SCAPER: variants seen among roughly 807,000 people sequenced by gnomAD.
SCAPER encodes S phase cyclin A-associated protein in the endoplasmic reticulum.
SCAPER carries 98 observed loss-of-function variants against 182.2 expected under a neutral mutation model. The observed-to-expected ratio is 0.54, with a 90% CI of 0.46 to 0.64. The LOEUF is 0.64. Ranked by LOEUF, SCAPER falls within the 30% of genes least tolerant of loss-of-function variation. The probability of loss-of-function intolerance (pLI) is 0.00; values close to 1 mark genes in which losing one functional copy is unlikely to be tolerated. For synonymous variants in SCAPER, 605 were observed against 564.6 expected, an observed-to-expected ratio of 1.07 and a Z score of -1.01; for missense variants, 1,432 against 1,690.0, an observed-to-expected ratio of 0.85 and a Z score of 2.68.
chr15:76,532,023 T>A (rs1018495180), intron 23 of SCAPER, among the ~76,000 whole-genome samples: 40 of 152,338 alleles, frequency 2.6e-4, no homozygotes, highest in Admixed American at 5.9e-4. Flanking sequence ...CAACTTTTTT[T>A]AAAAAATATT....
At chr15:76,889,803 C>G (rs762383593) in intron 1 of SCAPER, among the ~76,000 whole-genome samples, 11 of 152,066 alleles carry the variant, frequency 7.2e-5, no homozygotes, top group Non-Finnish European at 1.0e-4. Context: ...CTTGAACTCA[C>G]CTTTGCACCA....
At chr15:76,798,607 T>C (rs943144379) in intron 7 of SCAPER, among the ~76,000 whole-genome samples, 3 of 152,048 alleles carry the variant, frequency 2.0e-5, no homozygotes, top group African/African-American at 7.2e-5. Context: ...CACACTTAGA[T>C]ATATCATAGT....
chr15:76,858,493 T>C (rs2151867135), intron 3 of SCAPER, among the ~76,000 whole-genome samples: 1 of 151,984 alleles, frequency 6.6e-6, no homozygotes, highest in African/African-American at 2.4e-5. Flanking sequence ...GGTACAGGGG[T>C]ACATGTGCAG....
At chr15:76,586,019 T>C (rs1001732364) in intron 22 of SCAPER, among the ~76,000 whole-genome samples, 1 of 152,190 alleles carries the variant, frequency 6.6e-6, no homozygotes, top group Admixed American at 6.5e-5. Flanking sequence ...GAAGTATCTG[T>C]CAGGTAAATG....
At chr15:76,423,633 C>G (rs1094212) in intron 26 of SCAPER, among the ~76,000 whole-genome samples, 150,272 of 152,134 alleles carry the variant, frequency 0.99, 74,241 homozygotes, top group Middle Eastern at 1. Context: ...GTTCTGCTCT[C>G]ATCTTAGTTA....
intron 21 of SCAPER, among the ~76,000 whole-genome samples, chr15:76,651,882 A>G (rs920161925): frequency 1.3e-5 from 2 of 151,980 alleles, no homozygotes; most frequent in Non-Finnish European, 2.9e-5. Flanking sequence ...TCAACAAAAT[A>G]CTAGCAAATA....
chr15:76,359,965 G>A (rs1341874572), intron 29 of SCAPER, among the ~76,000 whole-genome samples: 2 of 152,172 alleles, frequency 1.3e-5, no homozygotes, highest in Non-Finnish European at 2.9e-5. Context: ...ACAGATGGCA[G>A]ATTTTGGATT....
At chr15:76,467,341 G>C (rs2049761950) in intron 25 of SCAPER, among the ~76,000 whole-genome samples, 1 of 152,052 alleles carries the variant, frequency 6.6e-6, no homozygotes, top group African/African-American at 2.4e-5. Context: ...AGGCAAGACA[G>C]ATAGCAATCT....
At chr15:76,374,677 C>T (rs2042418949) in intron 29 of SCAPER, among the ~76,000 whole-genome samples, 1 of 151,534 alleles carries the variant, frequency 6.6e-6, no homozygotes. Context: ...GACGGGGTTT[C>T]TTCATGTTGG....
At chr15:76,743,756 G>A (rs948904565) in intron 15 of SCAPER, among the ~76,000 whole-genome samples, 2 of 152,036 alleles carry the variant, frequency 1.3e-5, no homozygotes, top group East Asian at 1.9e-4. Context: ...CAAACCACCA[G>A]TGGCATTCTT....
chr15:76,772,810 A>T (rs1190632034), intron 9 of SCAPER, among the ~76,000 whole-genome samples: 1 of 151,842 alleles, frequency 6.6e-6, no homozygotes, highest in Non-Finnish European at 1.5e-5. Flanking sequence ...TTCCAATGAT[A>T]CTCTAAGTCA....
intron 20 of SCAPER, among the ~76,000 whole-genome samples, chr15:76,676,577 A>G (rs1381312589): frequency 2.6e-5 from 4 of 152,170 alleles, no homozygotes; most frequent in Non-Finnish European, 4.4e-5. Flanking sequence ...ATTTCTCTAT[A>G]AAGATATTCA....
At chr15:76,524,689 G>GTTTTTTTTTT (rs35944222) in intron 23 of SCAPER, among the ~76,000 whole-genome samples, 27 of 50,116 alleles carry the variant, frequency 5.4e-4, no homozygotes, top group South Asian at 1.1e-3. Context: ...TTTTTGTTCT[G>GTTTTTTTTTT]TTTTTTTTTT....
At chr15:76,617,608 C>T (rs918323735) in intron 22 of SCAPER, among the ~76,000 whole-genome samples, 1 of 152,158 alleles carries the variant, frequency 6.6e-6, no homozygotes, top group Admixed American at 6.6e-5. Context: ...TGAGCCTGTC[C>T]CTTCATGTGA....
chr15:76,418,135 G>A (rs1283523041), intron 26 of SCAPER, among the ~76,000 whole-genome samples: 1 of 152,158 alleles, frequency 6.6e-6, no homozygotes, highest in Non-Finnish European at 1.5e-5. Context: ...AAAACAACAA[G>A]CAAACAATGA....
At chr15:76,796,019 C>T (rs985566213) in intron 7 of SCAPER, among the ~76,000 whole-genome samples, 3 of 152,076 alleles carry the variant, frequency 2.0e-5, no homozygotes, top group African/African-American at 4.8e-5. Flanking sequence ...CAAGACTGCA[C>T]GACTGCACTC....
intron 25 of SCAPER, among the ~76,000 whole-genome samples, chr15:76,439,736 G>A (rs1472920631): frequency 6.6e-6 from 1 of 152,164 alleles, no homozygotes; most frequent in African/African-American, 2.4e-5. Flanking sequence ...TCTGGGGTGG[G>A]TGGTCTGTGG....
rs1598598009 is a variant in SCAPER, at chr15:76,765,547, T to C, written c.1495+16A>G. 9 of 1,601,868 alleles carry C rather than the reference T, an allele frequency of 5.6e-6. No homozygotes were observed. The African/African-American group carries it at 8.0e-5, about 14-fold the overall frequency. ...TGAACACTGTACTACACACCCAATA[T>C]GCATATACACAATACCTTCATAATC... On this transcript the variant is annotated intron_variant, in intron 12 of 31. Coordinates refer to ENST00000563290, the MANE Select transcript of SCAPER (RefSeq NM_020843.4).
intron 27 of SCAPER, among the ~76,000 whole-genome samples, chr15:76,402,553 C>A (rs1309979053): frequency 6.6e-6 from 1 of 152,038 alleles, no homozygotes; most frequent in Non-Finnish European, 1.5e-5. Context: ...CTTTTCTGTG[C>A]AAATTCTCTT....
Sources: allele counts gnomAD v4.1 joint callset (sites outside exome capture counted in the v4.1 genomes callset), GRCh38; gene constraint gnomAD v4.1.1; transcripts MANE v1.5; gene names NCBI Gene and HGNC (gene_info 2026-07-23, HGNC 2026-07-21).